Variants in EFHB observed in about 807,000 individuals in gnomAD.
The protein encoded by EFHB is EF-hand domain family member B.
A neutral mutation model predicts 87.2 loss-of-function variants in EFHB; 91 were observed. The observed-to-expected ratio is 1.04, with a 90% CI of 0.88 to 1.24. The LOEUF (loss-of-function observed/expected upper bound fraction) is 1.24, where lower values mean the gene tolerates loss of function less well. Ranked by LOEUF, EFHB falls within the 50% of genes most tolerant of loss-of-function variation. EFHB has a pLI of 0.00. For synonymous variants in EFHB, 325 were observed against 333.6 expected (o/e 0.97, Z 0.28); for missense variants, 1,084 against 998.8 (o/e 1.09, Z -1.15).
intron 5 of EFHB, among the ~76,000 whole-genome samples, chr3:19,914,535 CTAA>C (rs148264211): frequency 5.3e-5 from 8 of 151,370 alleles, no homozygotes; most frequent in Non-Finnish European, 8.9e-5. Flanking sequence ...GACAAGATCG[CTAA>C]TAATAATAAT....
chr3:19,896,856 A>G lies in EFHB; in HGVS notation c.1571-15T>C. 1 of 1,573,316 alleles carries G rather than the reference A, an allele frequency of 6.4e-7. No homozygotes were observed. The highest frequency in any genetic ancestry group is 8.6e-7 in the Non-Finnish European group (1 of 1,160,170). On this transcript the variant is annotated splice_polypyrimidine_tract_variant and intron_variant, in intron 8 of 12. Coordinates refer to ENST00000295824, the MANE Select transcript of EFHB (RefSeq NM_144715.4). ...ATCACCAACTCCTATTGAAGAGAGA[A>G]AAAACTTTTTACATAAATTTAAAGT...
At chr3:19,936,174 A>G, upstream of EFHB, 1 of 1,300,538 alleles carries the variant, frequency 7.7e-7, no homozygotes, top group Non-Finnish European at 1.1e-6. Flanking sequence ...GCCAAGGCAG[A>G]AGAATTGCTT....
At chr3:19,904,296 A>C (rs75163037) in intron 6 of EFHB, among the ~76,000 whole-genome samples, 6,426 of 152,332 alleles carry the variant, frequency 0.042, 442 homozygotes, top group African/African-American at 0.14. Flanking sequence ...CCTAGAAGCC[A>C]GAAGTCTGAA....
At chr3:19,908,118 T>C (rs1032546911) in intron 5 of EFHB, among the ~76,000 whole-genome samples, 1 of 152,012 alleles carries the variant, frequency 6.6e-6, no homozygotes, top group Non-Finnish European at 1.5e-5. Flanking sequence ...GATACTGACA[T>C]GAAAAGACAT....
chr3:19,937,493 C>G (rs1696050882), upstream of EFHB, among the ~76,000 whole-genome samples: 1 of 152,042 alleles, frequency 6.6e-6, no homozygotes, highest in African/African-American at 2.4e-5. Context: ...ATCATCAGGA[C>G]CAAAGCTCTG....
chr3:19,920,584 TG>T lies in EFHB; in HGVS notation c.790-18del, dbSNP rs1221914430. 19 of 1,586,478 alleles carry T rather than the reference TG, an allele frequency of 1.2e-5. No individual in the cohort carries two copies. The highest frequency in any genetic ancestry group is 1.6e-5 in the Non-Finnish European group (19 of 1,169,036). On this transcript the variant is annotated intron_variant, in intron 1 of 12. Transcript: ENST00000295824. ...TTTTCCTGCCTTTGGGGGAAAAAAATGGGTTGATCATTGCCAGGGTGGAAGA... is the reference window on the plus strand; with the variant it reads ...TTTTCCTGCCTTTGGGGGAAAAAAATGGTTGATCATTGCCAGGGTGGAAGA...
chr3:19,911,203 AAC>A (rs1435187938), intron 5 of EFHB, among the ~76,000 whole-genome samples: 4 of 152,202 alleles, frequency 2.6e-5, no homozygotes, highest in African/African-American at 9.6e-5. Flanking sequence ...AATTTAAGAT[AAC>A]ACAGAGAAGG....
chr3:19,905,884 C>T, intron 5 of EFHB, 135 bp from the exon 6 acceptor site: 1 of 1,109,994 alleles, frequency 9.0e-7, no homozygotes, highest in Non-Finnish European at 1.2e-6. Context: ...GCAGAAACTG[C>T]ACAGATTTAG....
chr3:19,928,922 G>T (rs937984185), intron 1 of EFHB, among the ~76,000 whole-genome samples: 3 of 151,638 alleles, frequency 2.0e-5, no homozygotes, highest in Non-Finnish European at 4.4e-5. Context: ...AGGAAATAAT[G>T]ATAAGCAATT....
chr3:19,912,074 G>T (rs1375084988), intron 5 of EFHB, among the ~76,000 whole-genome samples: 1 of 152,090 alleles, frequency 6.6e-6, no homozygotes, highest in Non-Finnish European at 1.5e-5. Flanking sequence ...CCTAGAGAAA[G>T]ATATCAATAT....
At chr3:19,889,072 C>T (rs1694209623) in intron 9 of EFHB, among the ~76,000 whole-genome samples, 1 of 152,176 alleles carries the variant, frequency 6.6e-6, no homozygotes, top group Non-Finnish European at 1.5e-5. Context: ...GGAAATGCTA[C>T]CAATCTGATG....
intron 12 of EFHB, among the ~76,000 whole-genome samples, chr3:19,882,344 T>C (rs1233617913): frequency 2.6e-5 from 4 of 152,206 alleles, no homozygotes; most frequent in African/African-American, 9.6e-5. Context: ...ATGTAAAATA[T>C]GAATTTGCTC....
chr3:19,891,988 G>C (rs1016467495), intron 9 of EFHB, among the ~76,000 whole-genome samples: 1 of 152,180 alleles, frequency 6.6e-6, no homozygotes, highest in African/African-American at 2.4e-5. Context: ...GCTCCTGACA[G>C]ACTGACTACA....
At chr3:19,897,512 G>A (rs371805042) in intron 8 of EFHB, among the ~76,000 whole-genome samples, 10 of 152,122 alleles carry the variant, frequency 6.6e-5, no homozygotes, top group African/African-American at 1.4e-4. Context: ...TTTCCCTGGC[G>A]TACACACATC....
Position 19,933,641 on chromosome 3 carries a change from TA to T in EFHB, c.377del (p.Ile126AsnfsTer29), listed in dbSNP as rs777755845. On this transcript the variant is annotated frameshift_variant, in exon 1 of 13. Transcript: ENST00000295824. LOFTEE classifies it high-confidence loss of function. ...LLAGYTHERIIQPPLGRVCGS... is the reference protein window; with the variant it reads ...LLAGYTHERIXQPPLGRVCGS... Reference sequence around the variant, plus strand: ...CACACACCCTGCCCAAAGGAGGCTGTATTATCCGTTCATGGGTATATCCTGC... The same window carrying T: ...CACACACCCTGCCCAAAGGAGGCTGTTTATCCGTTCATGGGTATATCCTGC... The T allele has an allele frequency of 6.2e-7, 1 of 1,614,014 alleles. No homozygotes were observed. Among genetic ancestry groups the T allele is most frequent in the South Asian group, 1.1e-5 (1 of 91,076 alleles).
intron 2 of EFHB, 104 bp downstream of exon 2, chr3:19,920,401 C>T (rs1373194576): frequency 1.1e-6 from 1 of 938,608 alleles, no homozygotes; most frequent in Non-Finnish European, 1.6e-6. Flanking sequence ...AAATTGACCA[C>T]ATTAAGTTTA....
intron 6 of EFHB, among the ~76,000 whole-genome samples, chr3:19,903,176 CAA>C (rs376542389): frequency 2.2e-4 from 29 of 133,826 alleles, no homozygotes; most frequent in East Asian, 2.2e-4. Flanking sequence ...GACTCCATCT[CAA>C]AAAAAAAAAA....
Position 19,933,366 on chromosome 3 carries a change from G to C in EFHB, c.653C>G (p.Pro218Arg), listed in dbSNP as rs770648318. Residue 218 changes from proline to arginine, a missense_variant, in exon 1 of 13, where the codon CCT becomes CGT. Coordinates refer to ENST00000295824, the MANE Select transcript of EFHB (RefSeq NM_144715.4). The part of the protein sequence containing the change: ...TEPQMGLVIE[P>R]PQCQFAQQHE... ...TTGTTGGGCAAACTGGCATTGGGGA[G>C]GTTCTATCACCAAGCCCATTTGGGG... The C allele has an allele frequency of 1.2e-6, 2 of 1,613,908 alleles. No individual in the cohort carries two copies. The highest frequency in any genetic ancestry group is 1.7e-6 in the Non-Finnish European group (2 of 1,179,890).
At chr3:19,891,693 T>C (rs554090164) in intron 9 of EFHB, among the ~76,000 whole-genome samples, 1 of 152,258 alleles carries the variant, frequency 6.6e-6, no homozygotes, top group East Asian at 1.9e-4. Flanking sequence ...AGGACAAAAA[T>C]TATGGCTACT....
Sources: allele counts gnomAD v4.1 joint callset (sites outside exome capture counted in the v4.1 genomes callset), GRCh38; gene constraint gnomAD v4.1.1; transcripts MANE v1.5; gene names NCBI Gene and HGNC (gene_info 2026-07-23, HGNC 2026-07-21).